Variants in FAM135B observed in about 807,000 individuals in gnomAD.
FAM135B encodes the protein protein FAM135B.
FAM135B carries 43 observed loss-of-function variants against 127.7 expected under a neutral mutation model. That is an observed-to-expected ratio of 0.34 (90% confidence interval 0.26 to 0.43). The LOEUF is 0.43. Ranked by LOEUF, FAM135B falls within the 20% of genes least tolerant of loss-of-function variation. The probability of loss-of-function intolerance (pLI) is 1.00; values close to 1 mark genes in which losing one functional copy is unlikely to be tolerated. For missense variants in FAM135B, 1,558 were observed against 1,725.6 expected (o/e 0.90, Z 1.72); for synonymous variants, 670 against 665.1 (o/e 1.01, Z -0.11).
chr8:138,196,062 ACTATTGATACATTAGTCACGG>A (rs1406893538), intron 8 of FAM135B, among the ~76,000 whole-genome samples: 1 of 152,210 alleles, frequency 6.6e-6, no homozygotes. Context: ...GGCAAAATGA[ACTATTGATACATTAGTCACGG>A]CTATGTATCC....
intron 1 of FAM135B, among the ~76,000 whole-genome samples, chr8:138,376,186 G>A (rs1268051926): frequency 8.6e-5 from 13 of 151,908 alleles, no homozygotes; most frequent in African/African-American, 7.3e-5. Context: ...CAAGTGATCC[G>A]CCCACCTCAG....
At chr8:138,160,466 G>A (rs1376213286) in intron 12 of FAM135B, among the ~76,000 whole-genome samples, 2 of 151,882 alleles carry the variant, frequency 1.3e-5, no homozygotes, top group Non-Finnish European at 2.9e-5. Flanking sequence ...TTGACTCACT[G>A]CAATCTCCAC....
chr8:138,181,417 C>G (rs904136286), intron 9 of FAM135B, among the ~76,000 whole-genome samples: 1 of 152,078 alleles, frequency 6.6e-6, no homozygotes, highest in East Asian at 1.9e-4. Flanking sequence ...TGCATCAGCA[C>G]GTGGCACAAC....
chr8:138,138,931 G>C, intron 18 of FAM135B, 55 bp downstream of exon 18: 2 of 1,066,518 alleles, frequency 1.9e-6, no homozygotes, highest in Non-Finnish European at 2.9e-6. Context: ...TTGTGTCTCA[G>C]GAGTTGAATC....
chr8:138,392,427 G>A (rs1041802612), intron 1 of FAM135B, among the ~76,000 whole-genome samples: 4 of 152,218 alleles, frequency 2.6e-5, no homozygotes. Flanking sequence ...TAAAGCAGGA[G>A]CTGAGTAAAT....
intron 6 of FAM135B, among the ~76,000 whole-genome samples, chr8:138,246,698 G>T (rs1469367002): frequency 3.3e-5 from 5 of 152,158 alleles, no homozygotes; most frequent in African/African-American, 1.2e-4. Flanking sequence ...AGTCCCCACT[G>T]GGACACTGCC....
At chr8:138,391,250 C>T (rs1277314858) in intron 1 of FAM135B, among the ~76,000 whole-genome samples, 4 of 152,110 alleles carry the variant, frequency 2.6e-5, no homozygotes, top group Non-Finnish European at 4.4e-5. Context: ...TGCTTGCTCA[C>T]TTACACTGTC....
chr8:138,356,777 G>A (rs1004873656), intron 2 of FAM135B, among the ~76,000 whole-genome samples: 2 of 152,084 alleles, frequency 1.3e-5, no homozygotes, highest in Non-Finnish European at 2.9e-5. Context: ...GTGGAGCCAC[G>A]GAAACCCTTA....
intron 12 of FAM135B, among the ~76,000 whole-genome samples, chr8:138,161,724 A>T (rs1371425910): frequency 1.3e-5 from 2 of 152,190 alleles, no homozygotes; most frequent in Non-Finnish European, 2.9e-5. Flanking sequence ...CATTCTTTGC[A>T]CCTTAAGAAA....
At chr8:138,202,528 AG>A (rs1406786845) in intron 7 of FAM135B, among the ~76,000 whole-genome samples, 1 of 152,158 alleles carries the variant, frequency 6.6e-6, no homozygotes, top group Non-Finnish European at 1.5e-5. Context: ...GTGGGATTCC[AG>A]GCATGAGCCA....
intron 1 of FAM135B, among the ~76,000 whole-genome samples, chr8:138,446,029 A>C (rs547076996): frequency 3.3e-5 from 5 of 152,202 alleles, no homozygotes; most frequent in Non-Finnish European, 7.3e-5. Context: ...CAGAGAGCCA[A>C]ATCATGAATG....
chr8:138,220,553 C>G (rs1397366637), intron 7 of FAM135B, among the ~76,000 whole-genome samples: 3 of 152,136 alleles, frequency 2.0e-5, no homozygotes, highest in African/African-American at 7.2e-5. Context: ...TAGGTGGACA[C>G]TTCATTTAAA....
At chr8:138,219,256 C>T (rs192462263) in intron 7 of FAM135B, among the ~76,000 whole-genome samples, 37 of 152,238 alleles carry the variant, frequency 2.4e-4, no homozygotes, top group Admixed American at 1.2e-3. Context: ...GTTTCAAATA[C>T]GCCTTTGGTT....
chr8:138,406,033 T>C (rs1186140789), intron 1 of FAM135B, among the ~76,000 whole-genome samples: 3 of 100,720 alleles, frequency 3.0e-5, no homozygotes, highest in South Asian at 4.1e-4. Context: ...TGTCGGTTCA[T>C]ATCCTTTGCC....
chr8:138,369,581 T>C (rs778644844), intron 1 of FAM135B, among the ~76,000 whole-genome samples: 1 of 152,008 alleles, frequency 6.6e-6, no homozygotes, highest in Non-Finnish European at 1.5e-5. Flanking sequence ...CTGGCAAACA[T>C]GGAAAGGCCT....
chr8:138,333,943 G>A (rs995341885), intron 2 of FAM135B, among the ~76,000 whole-genome samples: 5 of 152,056 alleles, frequency 3.3e-5, no homozygotes, highest in African/African-American at 9.7e-5. Context: ...AGGGGGGAAC[G>A]GAGGAGTCTC....
At chr8:138,163,780 C>A (rs1819640980) in intron 12 of FAM135B, among the ~76,000 whole-genome samples, 1 of 152,128 alleles carries the variant, frequency 6.6e-6, no homozygotes, top group African/African-American at 2.4e-5. Flanking sequence ...TGAACAAATG[C>A]TATTGTCACA....
chr8:138,242,947 A>C lies in FAM135B; in HGVS notation c.664T>G (p.Ser222Ala). 6.2e-7 allele frequency: 1 copy of C among 1,613,542 alleles called. No homozygotes were observed. The highest frequency in any genetic ancestry group is 1.1e-5 in the South Asian group (1 of 90,898). ...FGAGYCKPTS[S>A]EGSFYITSEN... is the part of the protein sequence containing the mutation. ...CTGCCCCACACAGGCCTTACCTCTGAGGAAGTCGGCTTGCAGTACCCAGCT... is the reference window on the plus strand; with the variant it reads ...CTGCCCCACACAGGCCTTACCTCTGCGGAAGTCGGCTTGCAGTACCCAGCT... Residue 222 changes from serine (S) to alanine (A), a missense_variant, in exon 7 of 20, where the codon TCA becomes GCA. This residue lies in a region of FAM135B where 127 missense variants were observed against 109.7 expected (regional missense o/e 1.16). Coordinates refer to ENST00000395297, the MANE Select transcript of FAM135B (RefSeq NM_015912.4). The surrounding 1 kb of genome is among the most constrained non-coding windows in gnomAD (Gnocchi z 9.6).
intron 3 of FAM135B, among the ~76,000 whole-genome samples, chr8:138,296,247 G>A (rs932922883): frequency 6.6e-6 from 1 of 152,012 alleles, no homozygotes; most frequent in Non-Finnish European, 1.5e-5. Flanking sequence ...AGAAGGCCTC[G>A]GCTGGCTTCC....
Sources: gnomAD v4.1 joint callset for allele counts (sites outside exome capture counted in the v4.1 genomes callset) on GRCh38, gnomAD v4.1.1 for gene constraint, gnomAD v4.1.1 regional missense constraint, Gnocchi (gnomAD v3.1) non-coding constraint, MANE v1.5 for transcripts, NCBI Gene and HGNC (gene_info 2026-07-23, HGNC 2026-07-21) for gene names.